The following SPRED1 variants were observed in gnomAD, a reference collection of about 807,000 sequenced individuals.
The protein encoded by SPRED1 is sprouty related EVH1 domain containing 1.
In SPRED1, 18 loss-of-function variants were observed where a neutral mutation model predicts 52.3. The observed-to-expected ratio is 0.34, with a 90% CI of 0.24 to 0.51. SPRED1 has a LOEUF of 0.51. SPRED1 is among the 20% of genes least tolerant of loss of function. SPRED1 has a pLI of 0.97. For synonymous variants in SPRED1, 155 were observed against 179.7 expected (o/e 0.86, Z 1.10); for missense variants, 485 against 551.0 (o/e 0.88, Z 1.20).
intron 5 of SPRED1, among the ~76,000 whole-genome samples, chr15:38,340,320 C>A (rs1271256390): frequency 6.6e-6 from 1 of 151,944 alleles, no homozygotes; most frequent in Non-Finnish European, 1.5e-5. Context: ...TTTTTCTTCC[C>A]TTATTCTGTT....
At chr15:38,290,658 T>C in intron 1 of SPRED1, among the ~76,000 whole-genome samples, 1 of 152,166 alleles carries the variant, frequency 6.6e-6, no homozygotes. Flanking sequence ...AAGGCATTTC[T>C]TACATGGTGG....
Position 38,271,325 on chromosome 15 carries a change from T to G in SPRED1, c.32+18108T>G, listed in dbSNP as rs188667573. ...GACCCTAAAGGATCAATCACACATG[T>G]GCATTGGAATGCTGGGCTAATAGAA... On this transcript the variant is annotated intron_variant, in intron 1 of 6. Transcript: ENST00000299084. Among the ~76,000 whole-genome samples, 326 of 152,324 alleles carry G rather than the reference T, an allele frequency of 2.1e-3. 2 individuals carry two copies. The highest frequency in any genetic ancestry group is 3.0e-3 in the Non-Finnish European group (202 of 68,018).
chr15:38,336,422 GTATA>G (rs1274175542), intron 4 of SPRED1, among the ~76,000 whole-genome samples: 6 of 137,968 alleles, frequency 4.3e-5, no homozygotes, highest in Admixed American at 7.4e-5. Context: ...GTATGTGTGT[GTATA>G]TATATATATA....
At chr15:38,295,335 G>T (rs116786059) in intron 1 of SPRED1, among the ~76,000 whole-genome samples, 1 of 152,104 alleles carries the variant, frequency 6.6e-6, no homozygotes, top group Non-Finnish European at 1.5e-5. Context: ...GTGTTGGGCC[G>T]CATTCAAAGC....
chr15:38,318,453 A>G (rs2140991965), intron 2 of SPRED1, among the ~76,000 whole-genome samples: 1 of 152,092 alleles, frequency 6.6e-6, no homozygotes, highest in Admixed American at 6.5e-5. Flanking sequence ...TTTATTTACA[A>G]TTTCATCTTT....
At chr15:38,258,169 A>G (rs535673006) in intron 1 of SPRED1, among the ~76,000 whole-genome samples, 1 of 152,158 alleles carries the variant, frequency 6.6e-6, no homozygotes, top group African/African-American at 2.4e-5. Context: ...CTACATGGAA[A>G]CCTTTCTTAT....
intron 2 of SPRED1, among the ~76,000 whole-genome samples, chr15:38,306,949 C>T (rs1191191747): frequency 1.3e-5 from 2 of 152,200 alleles, no homozygotes; most frequent in Non-Finnish European, 2.9e-5. Flanking sequence ...TTTGGTCTGT[C>T]AGCCTCATCA....
intron 1 of SPRED1, among the ~76,000 whole-genome samples, chr15:38,255,352 C>A (rs1894072483): frequency 2.0e-5 from 3 of 151,992 alleles, no homozygotes; most frequent in Admixed American, 1.3e-4. Flanking sequence ...CTTTTAAAAT[C>A]GTTTTTTCAC....
chr15:38,305,860 C>A (rs531036998), intron 2 of SPRED1, among the ~76,000 whole-genome samples: 20 of 152,128 alleles, frequency 1.3e-4, no homozygotes, highest in Non-Finnish European at 2.8e-4. Context: ...TGTGCATCAA[C>A]AATAGTTATA....
At chr15:38,255,564 A>G (rs1161722078) in intron 1 of SPRED1, among the ~76,000 whole-genome samples, 1 of 152,178 alleles carries the variant, frequency 6.6e-6, no homozygotes, top group African/African-American at 2.4e-5. Context: ...TAGAGCCAGC[A>G]TTGTTTGCTT....
chr15:38,306,691 C>T (rs8041262), intron 2 of SPRED1, among the ~76,000 whole-genome samples: 125,323 of 152,088 alleles, frequency 0.82, 52,424 homozygotes, highest in Non-Finnish European at 0.9. Flanking sequence ...TCTCTTTCCC[C>T]GGAGCCTTGT....
chr15:38,276,018 C>T (rs1010777436), intron 1 of SPRED1, among the ~76,000 whole-genome samples: 3 of 152,056 alleles, frequency 2.0e-5, no homozygotes, highest in Non-Finnish European at 2.9e-5. Flanking sequence ...CGGACAAGGA[C>T]AGGACACAAT....
At chr15:38,256,998 C>A (rs112636604) in intron 1 of SPRED1, among the ~76,000 whole-genome samples, 111 of 152,162 alleles carry the variant, frequency 7.3e-4, no homozygotes, top group African/African-American at 2.5e-3. Flanking sequence ...TGCATACTTG[C>A]TTCAACTTAA....
intron 1 of SPRED1, among the ~76,000 whole-genome samples, chr15:38,294,879 CA>C (rs1403992653): frequency 2.0e-5 from 3 of 152,086 alleles, no homozygotes; most frequent in East Asian, 3.9e-4. Context: ...ATATATGTGG[CA>C]AAAAAACTCA....
chr15:38,261,046 T>C lies in SPRED1; in HGVS notation c.32+7829T>C, dbSNP rs145368548. On this transcript the variant is annotated intron_variant, in intron 1 of 6. Transcript: ENST00000299084. Reference sequence around the variant, plus strand: ...AACAAAGCCTCACAGTCAAATGGGGTTTATCTTGAGGATGTAAGAATGGAT... The same window carrying C: ...AACAAAGCCTCACAGTCAAATGGGGCTTATCTTGAGGATGTAAGAATGGAT... 1.3e-4 allele frequency among the ~76,000 whole-genome samples: 20 copies of C among 152,282 alleles called. No individual in the cohort carries two copies. In the East Asian group the frequency reaches 3.9e-3, roughly 29 times the overall value.
chr15:38,303,109 G>C (rs190515782), intron 2 of SPRED1, among the ~76,000 whole-genome samples: 1 of 152,050 alleles, frequency 6.6e-6, no homozygotes, highest in African/African-American at 2.4e-5. Context: ...GCTTGAACCC[G>C]GGAGGCGTAG....
At chr15:38,253,498 G>T (rs1894026655) in intron 1 of SPRED1, among the ~76,000 whole-genome samples, 2 of 152,108 alleles carry the variant, frequency 1.3e-5, no homozygotes, top group African/African-American at 4.8e-5. Flanking sequence ...TGGAAGTGGA[G>T]TAGAAACTAC....
chr15:38,322,637 A>G (rs1199297990), intron 3 of SPRED1, among the ~76,000 whole-genome samples: 2 of 152,168 alleles, frequency 1.3e-5, no homozygotes, highest in Non-Finnish European at 2.9e-5. Context: ...ATTATCTTGA[A>G]GAGTCCATCA....
intron 4 of SPRED1, among the ~76,000 whole-genome samples, chr15:38,331,463 T>A (rs376068878): frequency 4.2e-4 from 64 of 152,220 alleles, no homozygotes; most frequent in African/African-American, 1.5e-3. Flanking sequence ...AATAGAAGTT[T>A]GTCTAAGTCT....
Sources: allele counts gnomAD v4.1 joint callset (sites outside exome capture counted in the v4.1 genomes callset), GRCh38; gene constraint gnomAD v4.1.1; transcripts MANE v1.5; gene names NCBI Gene and HGNC (gene_info 2026-07-23, HGNC 2026-07-21).